SOCS5: variants seen among roughly 807,000 people sequenced by gnomAD.
The protein encoded by SOCS5 is suppressor of cytokine signaling 5, also known as CIS-6.
SOCS5 carries 32 observed loss-of-function variants against 42.8 expected under a neutral mutation model. The ratio of observed to expected loss-of-function variants is 0.75; its 90% CI spans 0.56 to 1.01. The LOEUF (loss-of-function observed/expected upper bound fraction) is 1.01. Among genes scored for constraint, SOCS5 ranks in the 50% least tolerant of loss-of-function variants. The pLI is 0.00. For synonymous variants in SOCS5, 283 were observed against 229.6 expected, an observed-to-expected ratio of 1.23 and a Z score of -2.10; for missense variants, 627 against 653.0, an observed-to-expected ratio of 0.96 and a Z score of 0.43.
chr2:46,753,782 A>G (rs1251825659), intron 1 of SOCS5, among the ~76,000 whole-genome samples: 1 of 152,134 alleles, frequency 6.6e-6, no homozygotes, highest in Non-Finnish European at 1.5e-5. Flanking sequence ...CCTGGAACTG[A>G]AGGTTCCTCC....
chr2:46,713,156 G>T (rs992675024), intron 1 of SOCS5, among the ~76,000 whole-genome samples: 4 of 152,186 alleles, frequency 2.6e-5, no homozygotes, highest in Non-Finnish European at 5.9e-5. Context: ...AGAAGTTTGA[G>T]ACCAGCTTGG....
chr2:46,734,601 C>T (rs911387477), intron 1 of SOCS5, among the ~76,000 whole-genome samples: 2 of 152,128 alleles, frequency 1.3e-5, no homozygotes, highest in African/African-American at 4.8e-5. Flanking sequence ...ATAATCTTTT[C>T]TTCATGTCAT....
rs1030458469 is a variant in SOCS5, at chr2:46,713,245, A to G, written c.-13+13796A>G. On this transcript the variant is annotated intron_variant, in intron 1 of 1. Transcript: ENST00000394861. ...GTGGCGCACACCTGTAGTTTCAGCTACTCAGGAGGTTGAGGCAGGAAGATC... is the reference window on the plus strand; with the variant it reads ...GTGGCGCACACCTGTAGTTTCAGCTGCTCAGGAGGTTGAGGCAGGAAGATC... 2.6e-4 allele frequency among the ~76,000 whole-genome samples: 40 copies of G among 152,234 alleles called. 1 individual carries two copies. The highest frequency in any genetic ancestry group is 9.4e-4 in the African/African-American group (39 of 41,546).
At chr2:46,703,888 A>G (rs1672401818) in intron 1 of SOCS5, among the ~76,000 whole-genome samples, 1 of 152,192 alleles carries the variant, frequency 6.6e-6, no homozygotes, top group African/African-American at 2.4e-5. Context: ...AGCAGAAGTA[A>G]TCTTGAAAGG....
intron 1 of SOCS5, among the ~76,000 whole-genome samples, chr2:46,742,341 C>T (rs1673396939): frequency 2.0e-5 from 3 of 147,782 alleles, no homozygotes; most frequent in Non-Finnish European, 4.5e-5. Context: ...TCTCCATACC[C>T]CCACCCCCAC....
At chr2:46,746,922 C>CTTTTTTTTTT (rs11373537) in intron 1 of SOCS5, among the ~76,000 whole-genome samples, 789 of 70,650 alleles carry the variant, frequency 0.011, 2 homozygotes, top group Non-Finnish European at 0.015. Context: ...GACTTTATTT[C>CTTTTTTTTTT]TTTTTTTTTT....
intron 1 of SOCS5, among the ~76,000 whole-genome samples, chr2:46,712,178 A>G (rs1253304321): frequency 6.6e-6 from 1 of 152,168 alleles, no homozygotes; most frequent in Non-Finnish European, 1.5e-5. Flanking sequence ...TCTTAACATG[A>G]ACATAATATA....
intron 1 of SOCS5, among the ~76,000 whole-genome samples, chr2:46,728,036 T>C (rs1226884932): frequency 2.6e-5 from 4 of 152,142 alleles, no homozygotes; most frequent in Non-Finnish European, 5.9e-5. Context: ...TTTAGGTACC[T>C]GTGGGCGCCT....
At chr2:46,700,063 A>G (rs1392090282) in intron 1 of SOCS5, among the ~76,000 whole-genome samples, 1 of 152,154 alleles carries the variant, frequency 6.6e-6, no homozygotes, top group Non-Finnish European at 1.5e-5. Context: ...CTCTGCAACT[A>G]CTTGGGCTCC....
At position 46,759,465 on chromosome 2, in the gene SOCS5, G is replaced by A. The variant is rs1465160016; in HGVS notation, c.935G>A (p.Gly312Glu). The change falls in exon 2 of 2, where the codon GGG (glycine) becomes GAG (glutamate). Residue 312 changes from glycine to glutamate, a missense_variant. Physicochemically the swap from Gly to Glu is moderately conservative, Grantham distance 98. Coordinates refer to ENST00000394861, the MANE Select transcript of SOCS5 (RefSeq NM_144949.3). ...GCTCCTGGAATGACTGAAATAAGTG[G>A]GGACAGTTCTGCAATTCCACAAGCT... Reference protein sequence around the residue: ...KLAPGMTEISGDSSAIPQANC... With the variant: ...KLAPGMTEISEDSSAIPQANC... 1.2e-6 allele frequency: 2 copies of A among 1,613,924 alleles called. No homozygotes were observed. Among genetic ancestry groups the A allele is most frequent in the South Asian group, 2.2e-5 (2 of 91,074 alleles).
chr2:46,733,622 A>G (rs924979542), intron 1 of SOCS5, among the ~76,000 whole-genome samples: 2 of 152,098 alleles, frequency 1.3e-5, no homozygotes, highest in Non-Finnish European at 2.9e-5. Context: ...AGGGATGAAT[A>G]AATAATAAGC....
chr2:46,705,965 G>A (rs1294659744), intron 1 of SOCS5, among the ~76,000 whole-genome samples: 1 of 152,166 alleles, frequency 6.6e-6, no homozygotes, highest in Non-Finnish European at 1.5e-5. Flanking sequence ...TATAGGACCT[G>A]AATTGTGACC....
chr2:46,719,537 CAGGTGTGG>C (rs1672832600), intron 1 of SOCS5, among the ~76,000 whole-genome samples: 8 of 152,196 alleles, frequency 5.3e-5, no homozygotes, highest in Middle Eastern at 3.4e-3. Flanking sequence ...CACTTCCTTG[CAGGTGTGG>C]ATGTCCTTAT....
intron 1 of SOCS5, among the ~76,000 whole-genome samples, chr2:46,751,391 G>A (rs528798217): frequency 3.5e-4 from 53 of 151,656 alleles, no homozygotes; most frequent in Admixed American, 1.1e-3. Flanking sequence ...CTCTGACATA[G>A]TTTACTTAAA....
intron 1 of SOCS5, among the ~76,000 whole-genome samples, chr2:46,706,356 A>T (rs1672462795): frequency 6.6e-6 from 1 of 152,232 alleles, no homozygotes; most frequent in Non-Finnish European, 1.5e-5. Context: ...GGATATTAGG[A>T]GGCAGCACTT....
chr2:46,757,958 TA>T (rs1202245819), intron 1 of SOCS5, among the ~76,000 whole-genome samples: 3 of 152,238 alleles, frequency 2.0e-5, no homozygotes, highest in Admixed American at 2.0e-4. Context: ...AAATCATGGA[TA>T]AATTTGATAC....
chr2:46,760,237 C>T lies in SOCS5; in HGVS notation c.*96C>T. Reference sequence around the variant, plus strand: ...CACACGTAGCAGTGTTAGGCTTTTTCATACAGTATGTAAGCTTAGTGTTAG... The same window carrying T: ...CACACGTAGCAGTGTTAGGCTTTTTTATACAGTATGTAAGCTTAGTGTTAG... On this transcript the variant is annotated 3_prime_UTR_variant, in exon 2 of 2. Transcript: ENST00000394861. 1 of 855,664 alleles carries T rather than the reference C, an allele frequency of 1.2e-6. No homozygotes were observed. The highest frequency in any genetic ancestry group is 1.7e-5 in the South Asian group (1 of 58,720). 53.0% of individuals were successfully genotyped at this position (855,664 alleles called of 1,614,324 possible). A position where few individuals can be genotyped will look rare whatever the true frequency, so the allele number is the denominator to read the frequency against.
At chr2:46,723,011 T>A (rs1401967583) in intron 1 of SOCS5, among the ~76,000 whole-genome samples, 2 of 152,120 alleles carry the variant, frequency 1.3e-5, no homozygotes, top group Non-Finnish European at 2.9e-5. Context: ...TTATATGCTT[T>A]CTTAATGTTG....
intron 1 of SOCS5, among the ~76,000 whole-genome samples, chr2:46,737,967 T>A (rs1673289822): frequency 6.6e-6 from 1 of 152,138 alleles, no homozygotes; most frequent in Non-Finnish European, 1.5e-5. Context: ...GTTGTAGAGA[T>A]AAAATTGATA....
Sources: allele counts gnomAD v4.1 joint callset (sites outside exome capture counted in the v4.1 genomes callset), GRCh38; gene constraint gnomAD v4.1.1; transcripts MANE v1.5; gene names NCBI Gene and HGNC (gene_info 2026-07-23, HGNC 2026-07-21).